Variants in SSH2 observed in about 807,000 individuals in gnomAD.
SSH2 encodes protein phosphatase Slingshot homolog 2.
Under a neutral mutation model 135.2 loss-of-function variants are expected in SSH2, and 37 were observed. That is an observed-to-expected ratio of 0.27 (90% confidence interval 0.21 to 0.36). The LOEUF is 0.36. SSH2 is among the 10% of genes least tolerant of loss of function. SSH2 has a pLI of 1.00. For synonymous variants in SSH2, 628 were observed against 646.2 expected (o/e 0.97, Z 0.43); for missense variants, 1,408 against 1,765.3 (o/e 0.80, Z 3.63).
At chr17:29,790,629 G>A (rs1366073276) in intron 3 of SSH2, among the ~76,000 whole-genome samples, 1 of 152,122 alleles carries the variant, frequency 6.6e-6, no homozygotes, top group Non-Finnish European at 1.5e-5. Context: ...TTGATGCACA[G>A]AAGTTTGAAA....
At chr17:29,641,217 T>C (rs1296972766) in intron 14 of SSH2, among the ~76,000 whole-genome samples, 1 of 152,260 alleles carries the variant, frequency 6.6e-6, no homozygotes, top group Non-Finnish European at 1.5e-5. Context: ...GGCCTCATCA[T>C]GTTTTAGTCG....
intron 1 of SSH2, among the ~76,000 whole-genome samples, chr17:29,908,783 A>G (rs34789126): frequency 0.37 from 47,915 of 127,880 alleles, 11,011 homozygotes; most frequent in East Asian, 0.67. Flanking sequence ...AAAAAAAAAA[A>G]AAAAAAAAAA....
intron 3 of SSH2, among the ~76,000 whole-genome samples, chr17:29,734,606 C>T (rs1362731742): frequency 6.6e-6 from 1 of 152,162 alleles, no homozygotes; most frequent in African/African-American, 2.4e-5. Context: ...TCTCCTATTG[C>T]CTCTCGAACT....
chr17:29,696,845 C>T (rs570660771), intron 4 of SSH2, among the ~76,000 whole-genome samples: 470 of 149,078 alleles, frequency 3.2e-3, no homozygotes, highest in Non-Finnish European at 5.9e-3. Flanking sequence ...CCACCATGCC[C>T]GGCTAATTTT....
chr17:29,724,616 A>C (rs1197227105), intron 3 of SSH2, among the ~76,000 whole-genome samples: 1 of 119,366 alleles, frequency 8.4e-6, no homozygotes, highest in African/African-American at 3.3e-5. Context: ...AAAGAGACAG[A>C]GTCTCGCTCA....
intron 14 of SSH2, among the ~76,000 whole-genome samples, chr17:29,642,860 G>C (rs2036221778): frequency 6.6e-6 from 1 of 152,064 alleles, no homozygotes; most frequent in South Asian, 2.1e-4. Context: ...TTCTACTAAG[G>C]CCAAAGCACT....
intron 14 of SSH2, among the ~76,000 whole-genome samples, chr17:29,641,900 A>T (rs2036177477): frequency 6.6e-6 from 1 of 150,492 alleles, no homozygotes. Flanking sequence ...AGAGCCTAGG[A>T]GTTGAGTGAG....
chr17:29,921,401 G>A (rs2066973922), intron 1 of SSH2, among the ~76,000 whole-genome samples: 3 of 152,182 alleles, frequency 2.0e-5, no homozygotes, highest in Admixed American at 6.5e-5. Context: ...TGTAAACAAA[G>A]ATTGATTCAA....
chr17:29,820,805 A>G (rs1041634935), intron 2 of SSH2, among the ~76,000 whole-genome samples: 8 of 152,226 alleles, frequency 5.3e-5, no homozygotes, highest in Admixed American at 1.3e-4. Flanking sequence ...AGTCTACTAG[A>G]AAACTAGCTA....
At chr17:29,841,748 A>T (rs1021821794) in intron 2 of SSH2, among the ~76,000 whole-genome samples, 3 of 152,150 alleles carry the variant, frequency 2.0e-5, no homozygotes, top group African/African-American at 7.2e-5. Context: ...TTTTCTTGAG[A>T]CAGGGTCTCA....
chr17:29,773,755 A>G (rs1299514516), intron 3 of SSH2, among the ~76,000 whole-genome samples: 1 of 151,908 alleles, frequency 6.6e-6, no homozygotes, highest in Non-Finnish European at 1.5e-5. Context: ...TCGGCTCACC[A>G]CAACCTCCAC....
intron 4 of SSH2, among the ~76,000 whole-genome samples, chr17:29,701,675 A>T (rs2038988908): frequency 6.6e-6 from 1 of 151,830 alleles, no homozygotes; most frequent in African/African-American, 2.4e-5. Context: ...GGTTCAAGTG[A>T]TTCTCCTGCC....
chr17:29,746,363 T>C (rs939400457), intron 3 of SSH2, among the ~76,000 whole-genome samples: 2 of 151,364 alleles, frequency 1.3e-5, no homozygotes, highest in African/African-American at 2.4e-5. Context: ...TTTGCCAACA[T>C]AGCGAAACTC....
At chr17:29,743,907 CTTTT>C (rs59540894) in intron 3 of SSH2, among the ~76,000 whole-genome samples, 7 of 99,860 alleles carry the variant, frequency 7.0e-5, no homozygotes, top group African/African-American at 1.5e-4. Context: ...TTCTTTTTTC[CTTTT>C]TTTTTTTTTT....
intron 3 of SSH2, among the ~76,000 whole-genome samples, chr17:29,723,183 C>G (rs919815873): frequency 6.6e-6 from 1 of 152,218 alleles, no homozygotes; most frequent in East Asian, 1.9e-4. Flanking sequence ...GTATAAAAAT[C>G]TGGGTGAGAT....
intron 7 of SSH2, 146 bp downstream of exon 7, chr17:29,677,527 A>C: frequency 1.4e-6 from 1 of 703,126 alleles, no homozygotes; most frequent in Admixed American, 2.3e-5. Context: ...CACTTTACAA[A>C]ACAGGAGTTT....
At chr17:29,790,274 G>A (rs944420338) in intron 3 of SSH2, among the ~76,000 whole-genome samples, 1 of 152,070 alleles carries the variant, frequency 6.6e-6, no homozygotes. Flanking sequence ...CCCCCATGAC[G>A]TGTCCTTAAA....
intron 1 of SSH2, among the ~76,000 whole-genome samples, chr17:29,885,204 C>T (rs1219909627): frequency 6.6e-6 from 1 of 152,108 alleles, no homozygotes; most frequent in African/African-American, 2.4e-5. Context: ...ATCCAAGTGT[C>T]TCTGGCTTCC....
intron 3 of SSH2, chr17:29,760,973 C>G (rs1160671902): frequency 2.0e-6 from 1 of 492,570 alleles, no homozygotes; most frequent in Non-Finnish European, 3.2e-6. Flanking sequence ...CTCCATGAAT[C>G]CCCCCACCGT....
Sources: allele counts gnomAD v4.1 joint callset (sites outside exome capture counted in the v4.1 genomes callset), GRCh38; gene constraint gnomAD v4.1.1; transcripts MANE v1.5; gene names NCBI Gene and HGNC (gene_info 2026-07-23, HGNC 2026-07-21).